Variants in LRRC7 observed in about 807,000 individuals in gnomAD.
LRRC7 encodes leucine rich repeat containing 7.
Under a neutral mutation model 175.7 loss-of-function variants are expected in LRRC7, and 23 were observed. That is an observed-to-expected ratio of 0.13 (90% CI 0.09 to 0.19). LRRC7 has a LOEUF of 0.19. Among genes scored for constraint, LRRC7 ranks in the 10% least tolerant of loss-of-function variants. The pLI is 1.00. For synonymous variants in LRRC7, 685 were observed against 680.9 expected, an observed-to-expected ratio of 1.01 and a Z score of -0.09; for missense variants, 1,354 against 1,904.7, an observed-to-expected ratio of 0.71 and a Z score of 5.38.
chr1:69,589,803 C>T (rs546927148), intron 1 of LRRC7, among the ~76,000 whole-genome samples: 1 of 152,272 alleles, frequency 6.6e-6, no homozygotes, highest in Admixed American at 6.5e-5. Flanking sequence ...AAATCAGATA[C>T]TACATCAACC....
intron 5 of LRRC7, among the ~76,000 whole-genome samples, chr1:69,828,917 T>A (rs1680233588): frequency 6.6e-6 from 1 of 151,802 alleles, no homozygotes; most frequent in South Asian, 2.1e-4. Context: ...CTAGAGTAAA[T>A]GCAATTAGAA....
intron 7 of LRRC7, among the ~76,000 whole-genome samples, chr1:69,885,415 T>C (rs1474263729): frequency 2.1e-5 from 3 of 145,600 alleles, no homozygotes; most frequent in East Asian, 2.0e-4. Context: ...GAGGTGTTTG[T>C]AGTATTCTCT....
At chr1:69,980,778 A>G (rs1360712434) in intron 9 of LRRC7, among the ~76,000 whole-genome samples, 1 of 152,206 alleles carries the variant, frequency 6.6e-6, no homozygotes, top group Non-Finnish European at 1.5e-5. Context: ...ACCATATATA[A>G]TACCAAGTTT....
chr1:70,045,164 A>G (rs913313708), intron 22 of LRRC7, among the ~76,000 whole-genome samples: 3 of 151,348 alleles, frequency 2.0e-5, no homozygotes, highest in Non-Finnish European at 4.4e-5. Flanking sequence ...TTTATCACTC[A>G]CCGTAACTTT....
intron 15 of LRRC7, among the ~76,000 whole-genome samples, chr1:70,019,347 C>T (rs1269901595): frequency 1.3e-5 from 2 of 151,942 alleles, no homozygotes; most frequent in Non-Finnish European, 2.9e-5. Flanking sequence ...ATCCCTAAAT[C>T]CTTTTTCAAT....
intron 22 of LRRC7, among the ~76,000 whole-genome samples, chr1:70,045,299 G>T (rs1048874957): frequency 6.6e-6 from 1 of 152,066 alleles, no homozygotes; most frequent in African/African-American, 2.4e-5. Flanking sequence ...TTGATTTGTG[G>T]TATCTGCCAA....
chr1:69,920,150 G>A (rs530146143), intron 7 of LRRC7: 80 of 190,378 alleles, frequency 4.2e-4, no homozygotes, highest in African/African-American at 1.7e-3. Flanking sequence ...CAGCAGAGCC[G>A]CCCCATGTCC....
chr1:69,584,802 C>A (rs116413883), intron 1 of LRRC7, among the ~76,000 whole-genome samples: 1,636 of 152,220 alleles, frequency 0.011, 30 homozygotes, highest in African/African-American at 0.035. Context: ...TATCTACACT[C>A]CAGCTTCACT....
At position 69,843,816 on chromosome 1, in the gene LRRC7, C is replaced by A. The variant is rs533143958; in HGVS notation, c.647+5533C>A. Among the ~76,000 whole-genome samples, 27 of 152,030 alleles carry A rather than the reference C, an allele frequency of 1.8e-4. 1 individual carries two copies. Among genetic ancestry groups the A allele is most frequent in the Admixed American group, 1.5e-3 (23 of 15,262 alleles). On this transcript the variant is annotated intron_variant, in intron 7 of 26. Transcript: ENST00000651989. ...AGGAAAGATATTAGATCATGAAAGT[C>A]AAAAAAGACTAAGGGACTATTACAG...
At chr1:69,940,268 C>T (rs968205797) in intron 8 of LRRC7, among the ~76,000 whole-genome samples, 8 of 152,094 alleles carry the variant, frequency 5.3e-5, no homozygotes, top group Non-Finnish European at 2.9e-5. Flanking sequence ...AGTAAAGGAA[C>T]TCCTTTTCTT....
At chr1:69,997,476 G>T (rs983698283) in intron 11 of LRRC7, among the ~76,000 whole-genome samples, 2 of 151,656 alleles carry the variant, frequency 1.3e-5, no homozygotes, top group African/African-American at 4.9e-5. Flanking sequence ...CCTGTCTTGT[G>T]CCAGTTTTCA....
At chr1:70,090,353 A>G (rs761725961) in intron 25 of LRRC7, among the ~76,000 whole-genome samples, 1 of 152,094 alleles carries the variant, frequency 6.6e-6, no homozygotes, top group African/African-American at 2.4e-5. Flanking sequence ...ATCAGTTAGC[A>G]TTAGCAGAAG....
chr1:70,059,444 G>A (rs1254953006), intron 23 of LRRC7, among the ~76,000 whole-genome samples: 2 of 150,154 alleles, frequency 1.3e-5, no homozygotes, highest in African/African-American at 2.5e-5. Flanking sequence ...GACATGCCTA[G>A]GAATTTATCA....
At chr1:69,579,655 T>A (rs1192075495) in intron 1 of LRRC7, among the ~76,000 whole-genome samples, 1 of 152,202 alleles carries the variant, frequency 6.6e-6, no homozygotes, top group Non-Finnish European at 1.5e-5. Flanking sequence ...TCTGAATGCC[T>A]CTAAATGACT....
chr1:69,702,854 GC>G (rs1326843621), intron 2 of LRRC7, among the ~76,000 whole-genome samples: 11 of 152,076 alleles, frequency 7.2e-5, no homozygotes, highest in Non-Finnish European at 7.4e-5. Flanking sequence ...TTACTTAGTA[GC>G]CATAAGGACT....
At position 69,986,747 on chromosome 1, in the gene LRRC7, C is replaced by T. The variant is rs1257301823; in HGVS notation, c.931+361C>T. ...ATGATAGAATTACAATAGCTTCCAT[C>T]CATAGGATGTTGCTATATTCTATTT... On this transcript the variant is annotated intron_variant, in intron 10 of 26. Transcript: ENST00000651989. 1.7e-4 allele frequency among the ~76,000 whole-genome samples: 26 copies of T among 152,122 alleles called. 1 individual carries two copies. Among genetic ancestry groups the T allele is most frequent in the Admixed American group, 1.7e-3 (26 of 15,264 alleles).
chr1:70,140,982 ATAAG>A lies in LRRC7; in HGVS notation c.*19098_*19101del, dbSNP rs1365410953. On this transcript the variant is annotated 3_prime_UTR_variant, in exon 27 of 27. Coordinates refer to ENST00000651989, the MANE Select transcript of LRRC7 (RefSeq NM_001370785.2). ...TCGCAACTGAGGTGTAGCCCAGGGAATAAGTATGTCCTGAATTGAGCCTTAAATC... is the reference window on the plus strand; with the variant it reads ...TCGCAACTGAGGTGTAGCCCAGGGAATATGTCCTGAATTGAGCCTTAAATC... Among the ~76,000 whole-genome samples, 2 of 152,110 alleles carry A rather than the reference ATAAG, an allele frequency of 1.3e-5. No individual in the cohort carries two copies. Among genetic ancestry groups the A allele is most frequent in the Non-Finnish European group, 2.9e-5 (2 of 67,986 alleles).
intron 1 of LRRC7, among the ~76,000 whole-genome samples, chr1:69,671,394 T>C (rs1434201714): frequency 6.6e-6 from 1 of 152,162 alleles, no homozygotes; most frequent in African/African-American, 2.4e-5. Context: ...TCTTACTCTT[T>C]TCTTTCCTCT....
At chr1:69,736,875 G>T (rs976271632) in intron 2 of LRRC7, among the ~76,000 whole-genome samples, 6 of 151,974 alleles carry the variant, frequency 3.9e-5, no homozygotes, top group African/African-American at 1.5e-4. Context: ...TTAGCCTTTG[G>T]ATTAATGTGA....
Sources: gnomAD v4.1 joint callset for allele counts (sites outside exome capture counted in the v4.1 genomes callset) on GRCh38, gnomAD v4.1.1 for gene constraint, MANE v1.5 for transcripts, NCBI Gene and HGNC (gene_info 2026-07-23, HGNC 2026-07-21) for gene names.